The following KCNMA1 variants were observed in gnomAD, a reference collection of about 807,000 sequenced individuals.
The protein encoded by KCNMA1 is potassium calcium-activated channel subfamily M alpha 1.
A neutral mutation model predicts 140.0 loss-of-function variants in KCNMA1; 29 were observed. That is an observed-to-expected ratio of 0.21 (90% CI 0.15 to 0.28). The LOEUF (loss-of-function observed/expected upper bound fraction) is 0.28. Among genes scored for constraint, KCNMA1 ranks in the 10% least tolerant of loss-of-function variants. The probability of loss-of-function intolerance (pLI) is 1.00; values close to 1 mark genes in which losing one functional copy is unlikely to be tolerated. For missense variants in KCNMA1, 880 were observed against 1,602.2 expected, an observed-to-expected ratio of 0.55 and a Z score of 7.70; for synonymous variants, 612 against 611.9, an observed-to-expected ratio of 1.00 and a Z score of 0.00.
chr10:77,314,923 AACACAC>A (rs3998084), intron 2 of KCNMA1, among the ~76,000 whole-genome samples: 6,655 of 146,290 alleles, frequency 0.045, 174 homozygotes, highest in African/African-American at 0.073. Flanking sequence ...CCACACCCCC[AACACAC>A]ACACACACAC....
intron 2 of KCNMA1, among the ~76,000 whole-genome samples, chr10:77,380,439 C>G (rs1394495329): frequency 6.6e-6 from 1 of 152,196 alleles, no homozygotes; most frequent in Non-Finnish European, 1.5e-5. Flanking sequence ...CAGTTTCCTT[C>G]CTTCATTTTA....
At chr10:77,027,391 G>A (rs2093558308) in intron 16 of KCNMA1, among the ~76,000 whole-genome samples, 1 of 152,192 alleles carries the variant, frequency 6.6e-6, no homozygotes, top group Non-Finnish European at 1.5e-5. Context: ...TAGGCTGCTT[G>A]TAATTTGGCT....
intron 18 of KCNMA1, among the ~76,000 whole-genome samples, chr10:77,005,227 G>T (rs1171137860): frequency 6.6e-6 from 1 of 152,168 alleles, no homozygotes; most frequent in Non-Finnish European, 1.5e-5. Flanking sequence ...TCTGAGAATT[G>T]AAATATATGC....
intron 2 of KCNMA1, among the ~76,000 whole-genome samples, chr10:77,332,995 A>C (rs2087098249): frequency 2.6e-5 from 4 of 152,120 alleles, no homozygotes; most frequent in Admixed American, 2.6e-4. Flanking sequence ...AGCAAGGGGG[A>C]CTCTTACATC....
intron 9 of KCNMA1, among the ~76,000 whole-genome samples, chr10:77,103,704 A>G (rs1021932894): frequency 1.3e-5 from 2 of 152,214 alleles, no homozygotes; most frequent in African/African-American, 4.8e-5. Context: ...CATTGCTAGA[A>G]GTGTTCAAGA....
intron 19 of KCNMA1, among the ~76,000 whole-genome samples, chr10:76,972,890 T>A (rs912509005): frequency 6.6e-6 from 1 of 152,242 alleles, no homozygotes; most frequent in Non-Finnish European, 1.5e-5. Flanking sequence ...TATTTAATTA[T>A]CAGCCTTTAT....
At chr10:76,920,846 T>C (rs536570760) in intron 23 of KCNMA1, among the ~76,000 whole-genome samples, 128 of 152,318 alleles carry the variant, frequency 8.4e-4, no homozygotes, top group African/African-American at 2.9e-3. Context: ...TTTTTATTGT[T>C]TTCACTTTTA....
intron 3 of KCNMA1, chr10:77,250,036 G>A (rs908658282): frequency 6.6e-6 from 1 of 152,174 alleles, no homozygotes; most frequent in Non-Finnish European, 1.5e-5. Context: ...TTCCCTGACT[G>A]ACATTTTGGC....
intron 1 of KCNMA1, among the ~76,000 whole-genome samples, chr10:77,508,181 T>C (rs1216243540): frequency 6.6e-6 from 1 of 152,186 alleles, no homozygotes; most frequent in East Asian, 1.9e-4. Context: ...TCATTTTTAT[T>C]TGATTTTATT....
Position 77,126,268 on chromosome 10 carries a change from T to C in KCNMA1, c.809-5220A>G, listed in dbSNP as rs554199880. Among the ~76,000 whole-genome samples, 6 of 152,286 alleles carry C rather than the reference T, an allele frequency of 3.9e-5. No individual in the cohort carries two copies. The South Asian group carries it at 1.2e-3, about 32-fold the overall frequency. ...ATGCCCTCCCCAAAAGCTTCCAGGT[T>C]CAGAGAGTTTTACAAGTGAGATTTT... On this transcript the variant is annotated intron_variant, in intron 5 of 27. Coordinates refer to ENST00000286628, the MANE Select transcript of KCNMA1 (RefSeq NM_001161352.2).
chr10:77,365,539 G>A (rs1236361545), intron 2 of KCNMA1, among the ~76,000 whole-genome samples: 1 of 152,224 alleles, frequency 6.6e-6, no homozygotes, highest in Non-Finnish European at 1.5e-5. Flanking sequence ...TGGAGCAGGT[G>A]ATAGTGTGGC....
At chr10:76,970,331 A>C (rs2075692155) in intron 19 of KCNMA1, 1 of 17,580 alleles carries the variant, frequency 5.7e-5, no homozygotes, top group East Asian at 2.3e-3. Context: ...TGCCATAAGA[A>C]AAAAAAAAAA....
chr10:77,456,867 C>T (rs990597795), intron 1 of KCNMA1, among the ~76,000 whole-genome samples: 4 of 152,198 alleles, frequency 2.6e-5, no homozygotes, highest in African/African-American at 9.6e-5. Context: ...TGAAGGACAA[C>T]ATCCAGTAGG....
At chr10:76,975,992 A>T (rs2077392474) in intron 19 of KCNMA1, among the ~76,000 whole-genome samples, 1 of 151,996 alleles carries the variant, frequency 6.6e-6, no homozygotes, top group Admixed American at 6.6e-5. Context: ...AAACATATAC[A>T]CCTCTCTAAA....
chr10:77,386,985 G>C (rs1382156334), intron 2 of KCNMA1, among the ~76,000 whole-genome samples: 2 of 152,218 alleles, frequency 1.3e-5, no homozygotes, highest in Admixed American at 1.3e-4. Context: ...AGTGCCGGGG[G>C]AGTGGGGCAC....
rs1491384967 is a variant in KCNMA1 at position 77,637,609 on chromosome 10, TGCTGCCGCCGCCGCCGCC to T, written c.16_33del (p.Gly6_Ser11del). 7.2e-6 allele frequency: 11 copies of T among 1,521,258 alleles called. No individual in the cohort carries two copies. Among genetic ancestry groups the T allele is most frequent in the Non-Finnish European group, 8.8e-6 (10 of 1,138,452 alleles). 94.2% of individuals were successfully genotyped at this position (1,521,258 alleles called of 1,614,324 possible). On this transcript the variant is annotated inframe_deletion, in exon 1 of 28. Transcript: ENST00000286628. ...CCTCCGCCGCCGCCGCCGCCGCCGCTGCTGCCGCCGCCGCCGCCGCCACCATTTGCCATAGCTAGCAAC... is the reference window on the plus strand; with the variant it reads ...CCTCCGCCGCCGCCGCCGCCGCCGCTGCCACCATTTGCCATAGCTAGCAAC...
intron 15 of KCNMA1, among the ~76,000 whole-genome samples, chr10:77,031,755 A>G (rs1013221206): frequency 1.3e-5 from 2 of 152,188 alleles, no homozygotes; most frequent in African/African-American, 4.8e-5. Flanking sequence ...TGTGGTAATC[A>G]CTTGTTTGCT....
At chr10:77,123,215 A>AAAAT (rs2097662227) in intron 5 of KCNMA1, among the ~76,000 whole-genome samples, 3 of 138,634 alleles carry the variant, frequency 2.2e-5, no homozygotes, top group Non-Finnish European at 3.1e-5. Context: ...AAAAAAAAAA[A>AAAAT]GTGTTAAACA....
chr10:77,339,364 G>A (rs917252798), intron 2 of KCNMA1, among the ~76,000 whole-genome samples: 1 of 152,092 alleles, frequency 6.6e-6, no homozygotes, highest in East Asian at 1.9e-4. Context: ...CATCTAATCT[G>A]CTGCCTTTCC....
Sources: gnomAD v4.1 joint callset for allele counts (sites outside exome capture counted in the v4.1 genomes callset) on GRCh38, gnomAD v4.1.1 for gene constraint, MANE v1.5 for transcripts, NCBI Gene and HGNC (gene_info 2026-07-23, HGNC 2026-07-21) for gene names.